The following UBE2D2 variants were observed in gnomAD, a reference collection of about 807,000 sequenced individuals.
The protein encoded by UBE2D2 is ubiquitin-conjugating enzyme E2 D2.
In UBE2D2, 2 loss-of-function variants were observed where a neutral mutation model predicts 24.2. That is an observed-to-expected ratio of 0.08 (90% CI 0.03 to 0.26). UBE2D2 has a LOEUF of 0.26. UBE2D2 is among the 10% of genes least tolerant of loss of function. UBE2D2 has a pLI of 1.00. For synonymous variants in UBE2D2, 58 were observed against 56.5 expected (o/e 1.03, Z -0.12); for missense variants, 44 against 177.6 (o/e 0.25, Z 4.28).
chr5:139,591,898 A>G (rs1174269940), intron 1 of UBE2D2, among the ~76,000 whole-genome samples: 1 of 152,208 alleles, frequency 6.6e-6, no homozygotes, highest in Non-Finnish European at 1.5e-5. Flanking sequence ...GCTCCCCTTC[A>G]ATCTGTCTTG....
chr5:139,553,764 C>T (rs931000070), intron 1 of UBE2D2, among the ~76,000 whole-genome samples: 34 of 152,040 alleles, frequency 2.2e-4, no homozygotes, highest in African/African-American at 8.2e-4. Flanking sequence ...ATGTTTGGTT[C>T]CATGAGTTAT....
intron 1 of UBE2D2, among the ~76,000 whole-genome samples, chr5:139,571,082 TGTGAGTTGTTAGG>T (rs1753342781): frequency 6.6e-6 from 1 of 152,070 alleles, no homozygotes; most frequent in African/African-American, 2.4e-5. Context: ...AAATCTTACG[TGTGAGTTGTTAGG>T]GATTTCCTTC....
intron 1 of UBE2D2, among the ~76,000 whole-genome samples, chr5:139,597,486 C>A (rs2126682708): frequency 6.6e-6 from 1 of 152,226 alleles, no homozygotes; most frequent in South Asian, 2.1e-4. Context: ...ACTGATGGAT[C>A]TTGTATTCTG....
At position 139,628,336 on chromosome 5, in the gene UBE2D2, A is replaced by G. The variant is rs1321201376; in HGVS notation, c.*1535A>G. The G allele has an allele frequency of 2.0e-5, 3 of 152,630 alleles. No individual in the cohort carries two copies. The highest frequency in any genetic ancestry group is 4.4e-5 in the Non-Finnish European group (3 of 68,032). 9.5% of individuals were successfully genotyped at this position (152,630 alleles called of 1,614,324 possible). ...TAATTGTAAACTAGGCCAACCTGAA[A>G]GCCATGGCTGATGCTCTAGCCATCA... On this transcript the variant is annotated 3_prime_UTR_variant, in exon 7 of 7. Transcript: ENST00000398733.
At chr5:139,567,812 G>A (rs553974823) in intron 1 of UBE2D2, among the ~76,000 whole-genome samples, 1 of 152,168 alleles carries the variant, frequency 6.6e-6, no homozygotes, top group African/African-American at 2.4e-5. Flanking sequence ...GGGATTACAG[G>A]CGTGAGCCAC....
intron 1 of UBE2D2, among the ~76,000 whole-genome samples, chr5:139,597,867 C>T (rs746905885): frequency 1.3e-5 from 2 of 152,130 alleles, no homozygotes; most frequent in Admixed American, 1.3e-4. Flanking sequence ...GTAAGTTAAT[C>T]GTTATCTCAA....
chr5:139,582,263 A>G (rs1423838016), intron 1 of UBE2D2, among the ~76,000 whole-genome samples: 2 of 145,818 alleles, frequency 1.4e-5, no homozygotes, highest in Non-Finnish European at 3.0e-5. Flanking sequence ...TAGGCCTTAC[A>G]CAATTTTTTT....
chr5:139,583,762 G>C (rs1753657795), intron 1 of UBE2D2, among the ~76,000 whole-genome samples: 1 of 152,036 alleles, frequency 6.6e-6, no homozygotes, highest in South Asian at 2.1e-4. Context: ...ACTCCATCTC[G>C]AAAGAAAAAG....
intron 1 of UBE2D2, among the ~76,000 whole-genome samples, chr5:139,563,467 G>A (rs1753152680): frequency 1.3e-5 from 2 of 151,664 alleles, no homozygotes; most frequent in South Asian, 2.1e-4. Context: ...GCACACTGAG[G>A]AGTAGTCATC....
intron 1 of UBE2D2, among the ~76,000 whole-genome samples, chr5:139,531,625 C>CAAAAAAAAAAAAAAAAAAAAAAAA (rs112323447): frequency 1.0e-5 from 1 of 97,352 alleles, no homozygotes; most frequent in Non-Finnish European, 2.1e-5. Context: ...AGACCCTATC[C>CAAAAAAAAAAAAAAAAAAAAAAAA]AAAAAAAAAA....
Position 139,561,664 on chromosome 5 carries a change from T to G in UBE2D2, c.-128T>G, listed in dbSNP as rs998587372. ...CCTCAGCCCGTCCCGCCGGACCCGC[T>G]TTCCTCAACTCTCCATCTTCTCCTG... On this transcript the variant is annotated 5_prime_UTR_variant, in exon 1 of 7. Coordinates refer to ENST00000398733, the MANE Select transcript of UBE2D2 (RefSeq NM_003339.3). 12 of 668,608 alleles carry G rather than the reference T, an allele frequency of 1.8e-5. 1 individual carries two copies. The East Asian group carries it at 4.1e-4, about 23-fold the overall frequency. The allele number at this position is 668,608 out of a possible 1,614,324, so 41.4% of individuals were successfully genotyped here.
intron 1 of UBE2D2, among the ~76,000 whole-genome samples, chr5:139,537,102 G>T (rs1752693302): frequency 1.3e-5 from 2 of 151,392 alleles, no homozygotes; most frequent in East Asian, 2.0e-4. Context: ...AGAATGGCAT[G>T]AACCCGGGAG....
At chr5:139,548,037 G>T (rs542480421) in intron 1 of UBE2D2, among the ~76,000 whole-genome samples, 27 of 151,394 alleles carry the variant, frequency 1.8e-4, no homozygotes, top group Non-Finnish European at 2.8e-4. Flanking sequence ...GGTGGCTCAC[G>T]CCTGTAATCC....
At chr5:139,578,741 C>G (rs1428155926) in intron 1 of UBE2D2, among the ~76,000 whole-genome samples, 1 of 152,100 alleles carries the variant, frequency 6.6e-6, no homozygotes, top group African/African-American at 2.4e-5. Flanking sequence ...ACAGCCACCC[C>G]ACTCTGCTAA....
Position 139,552,163 on chromosome 5 carries a change from CTT to C in UBE2D2, c.-64+25567_-64+25568del, listed in dbSNP as rs374137107. ...CTAATAGATAAGCTCTAATAGCTAA[CTT>C]TTTTTTTTTTTTTTTGAGACGGAGT... On this transcript the variant is annotated intron_variant, in intron 1 of 6. Transcript: ENST00000511725. Among the ~76,000 whole-genome samples the C allele has an allele frequency of 3.2e-3, 463 of 142,610 alleles. 2 individuals carry two copies. The highest frequency in any genetic ancestry group is 0.011 in the African/African-American group (424 of 38,894). The allele number at this position is 142,610 out of a possible 152,430, so 93.6% of individuals were successfully genotyped here. A position where few individuals can be genotyped will look rare whatever the true frequency, so the allele number is the denominator to read the frequency against.
chr5:139,550,893 T>C (rs1215759492), intron 1 of UBE2D2, among the ~76,000 whole-genome samples: 1 of 152,168 alleles, frequency 6.6e-6, no homozygotes, highest in Non-Finnish European at 1.5e-5. Context: ...GTAGCACTCA[T>C]CATGAGAGTC....
At chr5:139,609,066 G>A (rs372946522) in intron 2 of UBE2D2, among the ~76,000 whole-genome samples, 3 of 151,004 alleles carry the variant, frequency 2.0e-5, no homozygotes, top group East Asian at 3.9e-4. Flanking sequence ...CAGCCCAGGC[G>A]ACAGAGCGAG....
chr5:139,538,609 G>A (rs1752716821), intron 1 of UBE2D2, among the ~76,000 whole-genome samples: 4 of 151,996 alleles, frequency 2.6e-5, no homozygotes, highest in South Asian at 4.2e-4. Context: ...AGTGGCCCAC[G>A]CCTGTAATCC....
At chr5:139,533,302 T>TA (rs1382077302) in intron 1 of UBE2D2, among the ~76,000 whole-genome samples, 1 of 151,644 alleles carries the variant, frequency 6.6e-6, no homozygotes, top group Non-Finnish European at 1.5e-5. Flanking sequence ...ATTGTACACC[T>TA]AAAATGAATG....
Sources: gnomAD v4.1 joint callset for allele counts (sites outside exome capture counted in the v4.1 genomes callset) on GRCh38, gnomAD v4.1.1 for gene constraint, MANE v1.5 for transcripts, NCBI Gene and HGNC (gene_info 2026-07-23, HGNC 2026-07-21) for gene names.